Variants in GLIS3 observed in about 807,000 individuals in gnomAD.
GLIS3 encodes GLIS family zinc finger 3, also known as zinc finger protein GLIS3.
A neutral mutation model predicts 78.6 loss-of-function variants in GLIS3; 53 were observed. The observed-to-expected ratio is 0.67, with a 90% CI of 0.54 to 0.85. The LOEUF (loss-of-function observed/expected upper bound fraction) is 0.85. Among genes scored for constraint, GLIS3 ranks in the 40% least tolerant of loss-of-function variants. GLIS3 has a pLI of 0.00. For synonymous variants in GLIS3, 684 were observed against 509.9 expected, an observed-to-expected ratio of 1.34 and a Z score of -4.60; for missense variants, 1,703 against 1,231.1, an observed-to-expected ratio of 1.38 and a Z score of -5.74.
intron 2 of GLIS3, among the ~76,000 whole-genome samples, chr9:4,231,665 T>C (rs564973602): frequency 6.6e-6 from 1 of 152,306 alleles, no homozygotes; most frequent in Non-Finnish European, 1.5e-5. Context: ...AGGCCAACAA[T>C]GTAAAAATCT....
At chr9:4,274,181 A>T (rs150392278) in intron 2 of GLIS3, among the ~76,000 whole-genome samples, 424 of 152,270 alleles carry the variant, frequency 2.8e-3, no homozygotes, top group African/African-American at 9.9e-3. Context: ...TTGGCCCCAA[A>T]GTCCATGTTG....
intron 4 of GLIS3, among the ~76,000 whole-genome samples, chr9:4,097,172 T>C (rs1010145232): frequency 1.1e-4 from 17 of 152,154 alleles, no homozygotes; most frequent in African/African-American, 3.9e-4. Context: ...CTCCAACTTG[T>C]TGGGGCAGAA....
At chr9:4,082,713 C>A (rs1330548878) in intron 4 of GLIS3, among the ~76,000 whole-genome samples, 2 of 152,186 alleles carry the variant, frequency 1.3e-5, no homozygotes, top group African/African-American at 4.8e-5. Flanking sequence ...ATTAACTTCA[C>A]CATCTTATCT....
At chr9:3,965,193 C>CTTTTTTTTTTTTTTT (rs34951383) in intron 4 of GLIS3, among the ~76,000 whole-genome samples, 20 of 100,152 alleles carry the variant, frequency 2.0e-4, no homozygotes, top group South Asian at 3.3e-4. Flanking sequence ...CTTTTCTTTT[C>CTTTTTTTTTTTTTTT]TTTTTTTTTT....
At chr9:3,983,013 T>C (rs992130383) in intron 4 of GLIS3, among the ~76,000 whole-genome samples, 3 of 152,220 alleles carry the variant, frequency 2.0e-5, no homozygotes, top group African/African-American at 7.2e-5. Context: ...GCTTGTTATA[T>C]TTCCTGCACA....
At chr9:4,462,632 C>CAG in the GLIS3 span, among the ~76,000 whole-genome samples, 1 of 138,994 alleles carries the variant, frequency 7.2e-6, no homozygotes, top group Non-Finnish European at 1.6e-5. Flanking sequence ...CACACACACA[C>CAG]AGACACGCAC....
upstream of GLIS3, among the ~76,000 whole-genome samples, chr9:4,352,514 G>C (rs1407710296): frequency 6.6e-6 from 1 of 152,284 alleles, no homozygotes; most frequent in East Asian, 1.9e-4. Flanking sequence ...CAGGATCAGA[G>C]AGCACAGAAT....
chr9:4,045,487 C>A (rs1319824431), intron 4 of GLIS3, among the ~76,000 whole-genome samples: 4 of 151,202 alleles, frequency 2.6e-5, no homozygotes, highest in South Asian at 2.1e-4. Context: ...AGGCACACAC[C>A]ACCACACCTG....
At chr9:4,273,722 A>G (rs145869863) in intron 2 of GLIS3, among the ~76,000 whole-genome samples, 2,735 of 152,302 alleles carry the variant, frequency 0.018, 88 homozygotes, top group African/African-American at 0.062. Flanking sequence ...AGAGATTTCC[A>G]CACAAGTGGG....
chr9:4,385,230 A>T, the GLIS3 span, among the ~76,000 whole-genome samples: 4 of 152,032 alleles, frequency 2.6e-5, no homozygotes, highest in African/African-American at 9.7e-5. Flanking sequence ...TTCTTCGTGG[A>T]TTCCCTCTGC....
chr9:4,150,022 G>A (rs890109033), intron 2 of GLIS3, among the ~76,000 whole-genome samples: 5 of 150,748 alleles, frequency 3.3e-5, no homozygotes, highest in Admixed American at 6.6e-5. Context: ...CATAATGCAC[G>A]TGCGGGTGCA....
intron 4 of GLIS3, among the ~76,000 whole-genome samples, chr9:4,035,596 G>A (rs1475472477): frequency 6.6e-6 from 1 of 151,870 alleles, no homozygotes; most frequent in East Asian, 1.9e-4. Context: ...CTGCAGCAGT[G>A]CCCTAACTCA....
chr9:4,306,292 G>C lies in GLIS3; in HGVS notation n.584+2485C>G, dbSNP rs145208974. Among the ~76,000 whole-genome samples the C allele has an allele frequency of 5.3e-5, 8 of 150,346 alleles. No individual in the cohort carries two copies. The East Asian group carries it at 1.6e-3, about 30-fold the overall frequency. On this transcript the variant is annotated intron_variant and non_coding_transcript_variant, in intron 4 of 4. Transcript: ENST00000471664. ...GTCTCGCTATGTTGCCCAGGCTGTGGGTTTTTCAGGGTAAAGTTATGGCTC... is the reference window on the plus strand; with the variant it reads ...GTCTCGCTATGTTGCCCAGGCTGTGCGTTTTTCAGGGTAAAGTTATGGCTC...
intron 2 of GLIS3, among the ~76,000 whole-genome samples, chr9:4,209,939 C>T (rs1404700193): frequency 1.3e-5 from 2 of 152,142 alleles, no homozygotes; most frequent in Non-Finnish European, 2.9e-5. Flanking sequence ...GGAGACAAGA[C>T]ATCCCATCCC....
At chr9:4,087,860 T>C (rs1159585704) in intron 4 of GLIS3, among the ~76,000 whole-genome samples, 1 of 152,210 alleles carries the variant, frequency 6.6e-6, no homozygotes, top group Non-Finnish European at 1.5e-5. Context: ...GGAATTATTC[T>C]CTTTGGCCCC....
chr9:4,297,319 T>C (rs556464861), intron 1 of GLIS3, among the ~76,000 whole-genome samples: 22 of 152,272 alleles, frequency 1.4e-4, no homozygotes, highest in African/African-American at 4.6e-4. Flanking sequence ...CTGAGAACTT[T>C]AAGGGTCTGC....
At chr9:4,401,453 G>A in the GLIS3 span, among the ~76,000 whole-genome samples, 1 of 151,548 alleles carries the variant, frequency 6.6e-6, no homozygotes, top group Admixed American at 6.6e-5. Context: ...TAGTAGAGAT[G>A]GGGTTTCTCC....
chr9:4,447,971 C>T, the GLIS3 span, among the ~76,000 whole-genome samples: 1 of 152,144 alleles, frequency 6.6e-6, no homozygotes, highest in Non-Finnish European at 1.5e-5. Flanking sequence ...AGACTGGTCT[C>T]AAACTCTTGG....
At chr9:4,342,627 T>C (rs1004396976) in intron 2 of GLIS3, among the ~76,000 whole-genome samples, 2 of 152,238 alleles carry the variant, frequency 1.3e-5, no homozygotes, top group Non-Finnish European at 2.9e-5. Flanking sequence ...TTTCTAATTC[T>C]GTGAAGAATG....
Sources: gnomAD v4.1 joint callset for allele counts (sites outside exome capture counted in the v4.1 genomes callset) on GRCh38, gnomAD v4.1.1 for gene constraint, MANE v1.5 for transcripts, NCBI Gene and HGNC (gene_info 2026-07-23, HGNC 2026-07-21) for gene names.